Variants in ACYP2 observed in about 807,000 individuals in gnomAD.
ACYP2 encodes acylphosphatase 2, also known as acylphosphatase-2.
In ACYP2, 12 loss-of-function variants were observed where a neutral mutation model predicts 11.2. The ratio of observed to expected loss-of-function variants is 1.08; its 90% CI spans 0.69 to 1.74. The LOEUF (loss-of-function observed/expected upper bound fraction) is 1.74. ACYP2 is among the 40% of genes most tolerant of loss of function. The pLI is 0.00. For synonymous variants in ACYP2, 43 were observed against 32.2 expected (o/e 1.33, Z -1.13); for missense variants, 134 against 101.9 (o/e 1.31, Z -1.35).
At chr2:54,097,561 T>C (rs750217540) in intron 4 of ACYP2, among the ~76,000 whole-genome samples, 3 of 152,222 alleles carry the variant, frequency 2.0e-5, no homozygotes, top group Non-Finnish European at 4.4e-5. Flanking sequence ...CACACTGTTA[T>C]AATATTTTGG....
intron 6 of ACYP2, among the ~76,000 whole-genome samples, chr2:54,249,334 T>C (rs1322703682): frequency 6.6e-6 from 1 of 151,184 alleles, no homozygotes; most frequent in Non-Finnish European, 1.5e-5. Flanking sequence ...TAAGGGCGAT[T>C]CCAATTTAAA....
chr2:53,984,719 G>A (rs991902909), intron 2 of ACYP2, among the ~76,000 whole-genome samples: 5 of 151,580 alleles, frequency 3.3e-5, no homozygotes, highest in Non-Finnish European at 7.4e-5. Context: ...CACAGGGCTA[G>A]TTCAATGTCA....
At chr2:54,115,735 G>A (rs1235936508) in intron 4 of ACYP2, 3 of 1,613,028 alleles carry the variant, frequency 1.9e-6, no homozygotes, top group South Asian at 2.2e-5. Flanking sequence ...CGTGGACTAC[G>A]AGGTGTTCGG....
chr2:54,055,692 A>G (rs17045488), intron 3 of ACYP2, among the ~76,000 whole-genome samples: 41,596 of 152,094 alleles, frequency 0.27, 5,998 homozygotes, highest in South Asian at 0.46. Context: ...TCCATATACT[A>G]CATAATAGCC....
chr2:54,279,240 C>T (rs1022830148), intron 6 of ACYP2, among the ~76,000 whole-genome samples: 1 of 152,194 alleles, frequency 6.6e-6, no homozygotes, highest in Non-Finnish European at 1.5e-5. Flanking sequence ...ATCCAGCCCA[C>T]TGCTTGTTTT....
At chr2:54,260,443 G>A (rs977748036) in intron 6 of ACYP2, among the ~76,000 whole-genome samples, 6 of 152,126 alleles carry the variant, frequency 3.9e-5, no homozygotes, top group African/African-American at 7.2e-5. Context: ...TTCTCCAGCC[G>A]CATTCAACTT....
chr2:54,026,960 A>T (rs1283046726), intron 2 of ACYP2, among the ~76,000 whole-genome samples: 1 of 152,176 alleles, frequency 6.6e-6, no homozygotes, highest in Non-Finnish European at 1.5e-5. Flanking sequence ...TACAGTGTAC[A>T]CTGCTTAGGT....
At chr2:54,059,262 G>A (rs375773524) in intron 4 of ACYP2, among the ~76,000 whole-genome samples, 22 of 148,958 alleles carry the variant, frequency 1.5e-4, no homozygotes, top group East Asian at 1.2e-3. Context: ...CTTGTTGCCC[G>A]GGCTGGAGTG....
intron 2 of ACYP2, among the ~76,000 whole-genome samples, chr2:54,002,579 A>AGCCTGGGGGACAAGAGTGAG (rs1672853671): frequency 1.3e-5 from 2 of 149,902 alleles, no homozygotes; most frequent in African/African-American, 5.1e-5. Context: ...TCTTGCACTC[A>AGCCTGGGGGACAAGAGTGAG]ACTGATTCAC....
intron 2 of ACYP2, among the ~76,000 whole-genome samples, chr2:54,008,285 G>T (rs1016408874): frequency 1.3e-5 from 2 of 152,154 alleles, no homozygotes. Context: ...TCTAAGTTCC[G>T]AGTTTTGGTT....
At chr2:53,990,849 T>C (rs1315972380) in intron 2 of ACYP2, among the ~76,000 whole-genome samples, 2 of 151,584 alleles carry the variant, frequency 1.3e-5, no homozygotes, top group East Asian at 3.9e-4. Flanking sequence ...CAGGCTGGAG[T>C]GCGGTGGCGC....
chr2:54,252,389 ATATATG>A (rs1558644361), intron 6 of ACYP2, among the ~76,000 whole-genome samples: 1 of 152,168 alleles, frequency 6.6e-6, no homozygotes, highest in Non-Finnish European at 1.5e-5. Flanking sequence ...CTTTGAGTGA[ATATATG>A]TATATATTTC....
intron 4 of ACYP2, among the ~76,000 whole-genome samples, chr2:54,131,162 CTG>C: frequency 6.6e-6 from 1 of 152,336 alleles, no homozygotes. Flanking sequence ...CAATGTTTAA[CTG>C]TGTGCCTATT....
At chr2:54,143,910 TG>T (rs2103795206) in intron 6 of ACYP2, among the ~76,000 whole-genome samples, 1 of 152,240 alleles carries the variant, frequency 6.6e-6, no homozygotes, top group African/African-American at 2.4e-5. Flanking sequence ...GGAAATCACC[TG>T]GTCCTGCTGC....
intron 6 of ACYP2, among the ~76,000 whole-genome samples, chr2:54,256,565 G>T (rs944643943): frequency 2.0e-5 from 3 of 152,112 alleles, no homozygotes; most frequent in African/African-American, 7.2e-5. Flanking sequence ...CTAGATACTA[G>T]TCAGTCATTC....
intron 2 of ACYP2, among the ~76,000 whole-genome samples, chr2:54,003,985 T>C (rs996611707): frequency 2.6e-5 from 4 of 152,054 alleles, no homozygotes; most frequent in Admixed American, 2.0e-4. Context: ...GTTGTTTTGT[T>C]TTTTGTTTTT....
At chr2:54,020,440 G>GA (rs1473444204) in intron 2 of ACYP2, among the ~76,000 whole-genome samples, 5 of 151,960 alleles carry the variant, frequency 3.3e-5, no homozygotes, top group African/African-American at 1.2e-4. Context: ...TTGCTTAAAA[G>GA]AAAAAAAGCC....
intron 4 of ACYP2, among the ~76,000 whole-genome samples, chr2:54,063,574 C>T (rs903882157): frequency 6.6e-6 from 1 of 152,184 alleles, no homozygotes; most frequent in Admixed American, 6.5e-5. Context: ...CTCCCCTTTC[C>T]AGCCAGACTA....
intron 2 of ACYP2, among the ~76,000 whole-genome samples, chr2:54,022,287 A>G (rs1573540294): frequency 1.3e-5 from 2 of 152,102 alleles, no homozygotes; most frequent in African/African-American, 4.8e-5. Context: ...TCGCTACCCC[A>G]AAATATGGTG....
Sources: gnomAD v4.1 joint callset for allele counts (sites outside exome capture counted in the v4.1 genomes callset) on GRCh38, gnomAD v4.1.1 for gene constraint, MANE v1.5 for transcripts, NCBI Gene and HGNC (gene_info 2026-07-23, HGNC 2026-07-21) for gene names.